Variants in CDH23 observed in about 807,000 individuals in gnomAD.
CDH23 encodes cadherin-23.
A neutral mutation model predicts 317.1 loss-of-function variants in CDH23; 189 were observed. That is an observed-to-expected ratio of 0.60 (90% CI 0.53 to 0.67). The LOEUF is 0.67. Among genes scored for constraint, CDH23 ranks in the 30% least tolerant of loss-of-function variants. The pLI is 0.00. For missense variants in CDH23, 4,401 were observed against 4,592.4 expected (o/e 0.96, Z 1.20); for synonymous variants, 1,839 against 1,876.8 (o/e 0.98, Z 0.52).
intron 3 of CDH23, among the ~76,000 whole-genome samples, chr10:71,450,526 C>G (rs986654189): frequency 6.6e-6 from 1 of 152,190 alleles, no homozygotes; most frequent in Non-Finnish European, 1.5e-5. Context: ...CCTCAGCCTC[C>G]CAAAGTGCTA....
chr10:71,642,524 G>A (rs1196059281), intron 11 of CDH23, among the ~76,000 whole-genome samples: 2 of 147,982 alleles, frequency 1.4e-5, no homozygotes, highest in African/African-American at 2.5e-5. Context: ...TCAGCCTCCC[G>A]AGTAGCTGGG....
At chr10:71,428,451 TTA>T (rs770435959) in intron 1 of CDH23, among the ~76,000 whole-genome samples, 47 of 39,672 alleles carry the variant, frequency 1.2e-3, no homozygotes, top group Non-Finnish European at 2.1e-3. Context: ...AACACTTGTT[TTA>T]TGTGTGTGTG....
chr10:71,650,185 T>C (rs1407598483), intron 14 of CDH23, among the ~76,000 whole-genome samples: 2 of 152,230 alleles, frequency 1.3e-5, no homozygotes, highest in Non-Finnish European at 2.9e-5. Context: ...AGGTGAATTT[T>C]CACATCTCTG....
intron 6 of CDH23, among the ~76,000 whole-genome samples, chr10:71,539,192 A>G (rs1336894015): frequency 6.6e-6 from 1 of 152,170 alleles, no homozygotes; most frequent in African/African-American, 2.4e-5. Flanking sequence ...TCCACGCCGT[A>G]GCCCCTTTGC....
chr10:71,617,069 C>A, intron 10 of CDH23, 136 bp from the exon 11 acceptor site: 1 of 1,189,536 alleles, frequency 8.4e-7, no homozygotes, highest in Non-Finnish European at 1.2e-6. Flanking sequence ...AATCCTCCTC[C>A]TGGAGTTGTG....
chr10:71,804,992 A>G (rs542056245), intron 55 of CDH23, among the ~76,000 whole-genome samples: 2 of 152,282 alleles, frequency 1.3e-5, no homozygotes, highest in African/African-American at 4.8e-5. Context: ...GCATGTATTA[A>G]TTATCTATAT....
intron 14 of CDH23, among the ~76,000 whole-genome samples, chr10:71,658,293 G>GGA (rs138447278): frequency 5.2e-4 from 78 of 150,776 alleles, no homozygotes; most frequent in Admixed American, 1.1e-3. Flanking sequence ...AGCGAGAGAT[G>GGA]GAGAGAGAGA....
chr10:71,795,755 C>G, intron 48 of CDH23: 1 of 982,928 alleles, frequency 1.0e-6, no homozygotes, highest in Non-Finnish European at 1.2e-6. Flanking sequence ...ATCCTCCCTG[C>G]CCTGCTCTGC....
In CDH23 at chr10:71,809,088, A is replaced by C. The variant is rs1036509591; in HGVS notation, c.8723-732A>C. Among the ~76,000 whole-genome samples, 7 of 151,772 alleles carry C rather than the reference A, an allele frequency of 4.6e-5. No homozygotes were observed. The South Asian group carries it at 1.5e-3, about 32-fold the overall frequency. On this transcript the variant is annotated intron_variant, in intron 60 of 69. Transcript: ENST00000224721. ...CTAGAAAGTGACAAATTTTGAGCCC[A>C]ATCTATTGTCTTTTAAGAGAAGACT...
intron 14 of CDH23, among the ~76,000 whole-genome samples, chr10:71,650,614 G>C (rs561294321): frequency 6.6e-6 from 1 of 152,306 alleles, no homozygotes; most frequent in South Asian, 2.1e-4. Context: ...GGGGATGTGC[G>C]TACACTATAT....
chr10:71,556,141 G>GT, intron 6 of CDH23, among the ~76,000 whole-genome samples: 1 of 152,348 alleles, frequency 6.6e-6, no homozygotes, highest in African/African-American at 2.4e-5. Flanking sequence ...TGGAGCAGTA[G>GT]TGAAAGAAGA....
chr10:71,796,898 T>A (rs189907819), intron 48 of CDH23: 193 of 491,866 alleles, frequency 3.9e-4, no homozygotes, highest in African/African-American at 3.3e-3. Context: ...CAACATCACC[T>A]GCTTAGTAAG....
At position 71,397,137 on chromosome 10, in the gene CDH23, C is replaced by G; in HGVS notation, c.-187C>G. ...CGCGCCTGAAGTTGCGAGCGGCGAGCGGCGAGCGGCGAGCGGCCCGCGGAG... is the reference window on the plus strand; with the variant it reads ...CGCGCCTGAAGTTGCGAGCGGCGAGGGGCGAGCGGCGAGCGGCCCGCGGAG... On this transcript the variant is annotated 5_prime_UTR_variant, in exon 1 of 70. Coordinates refer to ENST00000224721, the MANE Select transcript of CDH23 (RefSeq NM_022124.6). The surrounding 1 kb of genome is among the most constrained non-coding windows in gnomAD (Gnocchi z 4.8). 1 of 181,026 alleles carries G rather than the reference C, an allele frequency of 5.5e-6. No homozygotes were observed. Among genetic ancestry groups the G allele is most frequent in the Non-Finnish European group, 1.1e-5 (1 of 88,990 alleles). The allele number at this position is 181,026 out of a possible 1,614,324, so 11.2% of individuals were successfully genotyped here.
chr10:71,664,767 A>C (rs750549158), intron 14 of CDH23, among the ~76,000 whole-genome samples: 4 of 152,058 alleles, frequency 2.6e-5, no homozygotes, highest in Non-Finnish European at 5.9e-5. Flanking sequence ...CTCAGAGCAG[A>C]TATTACTGTG....
Position 71,707,037 on chromosome 10 carries a change from T to C in CDH23, c.3094T>C (p.Tyr1032His). 6.2e-7 allele frequency: 1 copy of C among 1,605,288 alleles called. No homozygotes were observed. Among genetic ancestry groups the C allele is most frequent in the Non-Finnish European group, 8.5e-7 (1 of 1,176,090 alleles). ...NDVGLNAELS[Y>H]FITGGNVDGK... ...CGTGGGCCTCAATGCAGAGCTCAGC[T>C]ACTTCATCACAGGTGCTGCCCCGGC... The change falls in exon 26 of 70, where the codon TAC becomes CAC. Residue 1032 changes from tyrosine to histidine, a missense_variant. Physicochemically the swap from Tyr to His is moderately conservative, Grantham distance 83. This residue lies in a region of CDH23 where 3,068 missense variants were observed against 3,203.3 expected (regional missense o/e 0.96). Coordinates refer to ENST00000224721, the MANE Select transcript of CDH23 (RefSeq NM_022124.6).
intron 9 of CDH23, among the ~76,000 whole-genome samples, chr10:71,613,316 C>T (rs1250992470): frequency 6.6e-6 from 1 of 152,206 alleles, no homozygotes; most frequent in African/African-American, 2.4e-5. Flanking sequence ...ACTATGCAAA[C>T]GCAGCCATAC....
intron 48 of CDH23, chr10:71,795,995 C>T: frequency 5.1e-6 from 5 of 986,088 alleles, no homozygotes; most frequent in Non-Finnish European, 6.0e-6. Flanking sequence ...TGCAGCCGCC[C>T]TCTCCCCATC....
chr10:71,572,799 G>A (rs1452117924), intron 8 of CDH23, among the ~76,000 whole-genome samples: 1 of 152,152 alleles, frequency 6.6e-6, no homozygotes, highest in African/African-American at 2.4e-5. Flanking sequence ...CGCCTGTAAT[G>A]TTACCTATAT....
Position 71,798,502 on chromosome 10 carries a change from C to A in CDH23, c.6978C>A (p.Gly2326=), listed in dbSNP as rs1174880431. 6.2e-7 allele frequency: 1 copy of A among 1,613,838 alleles called. No homozygotes were observed. ...IAVAAVDPDK[G]LNGLVTYTLL... ...TGGCAGCCGTGGACCCTGACAAGGG[C>A]CTTAATGGGCTGGTCACCTACACCC... The change falls in exon 50 of 70, where the codon GGC becomes GGA. Residue 2326 remains glycine (G), a synonymous_variant. Transcript: ENST00000224721.
Sources: gnomAD v4.1 joint callset for allele counts (sites outside exome capture counted in the v4.1 genomes callset) on GRCh38, gnomAD v4.1.1 for gene constraint, gnomAD v4.1.1 regional missense constraint, Gnocchi (gnomAD v3.1) non-coding constraint, MANE v1.5 for transcripts, NCBI Gene and HGNC (gene_info 2026-07-23, HGNC 2026-07-21) for gene names.